The following PIEZO2 variants were observed in gnomAD, a reference collection of about 807,000 sequenced individuals.
PIEZO2 encodes piezo type mechanosensitive ion channel component 2.
PIEZO2 carries 172 observed loss-of-function variants against 337.3 expected under a neutral mutation model. The ratio of observed to expected loss-of-function variants is 0.51; its 90% CI spans 0.45 to 0.58. The LOEUF (loss-of-function observed/expected upper bound fraction) is 0.58, where lower values mean the gene tolerates loss of function less well. Among genes scored for constraint, PIEZO2 ranks in the 20% least tolerant of loss-of-function variants. The pLI, the probability that PIEZO2 is intolerant of heterozygous loss-of-function variation, is 0.00. For missense variants in PIEZO2, 3,028 were observed against 3,391.3 expected, an observed-to-expected ratio of 0.89 and a Z score of 2.66; for synonymous variants, 1,251 against 1,228.5, an observed-to-expected ratio of 1.02 and a Z score of -0.38.
chr18:10,887,916 C>A (rs1465269844), intron 4 of PIEZO2, among the ~76,000 whole-genome samples: 2 of 152,220 alleles, frequency 1.3e-5, no homozygotes, highest in African/African-American at 2.4e-5. Context: ...ACCGTGATCA[C>A]CTAGTCGAAT....
intron 5 of PIEZO2, among the ~76,000 whole-genome samples, chr18:10,858,887 A>G (rs763833588): frequency 6.6e-6 from 1 of 152,128 alleles, no homozygotes. Flanking sequence ...ATCATGACAC[A>G]TTTGTATATT....
intron 3 of PIEZO2, among the ~76,000 whole-genome samples, chr18:10,944,911 T>C (rs1345117725): frequency 1.3e-5 from 2 of 152,128 alleles, no homozygotes; most frequent in Non-Finnish European, 2.9e-5. Context: ...AAGCTAACTG[T>C]TGCTACCAGA....
rs764150160 is a variant in PIEZO2 at position 11,011,828 on chromosome 18, C to T, written c.161-32168G>A. Among the ~76,000 whole-genome samples the T allele has an allele frequency of 4.9e-4, 74 of 152,146 alleles. 1 individual carries two copies. The highest frequency in any genetic ancestry group is 2.8e-4 in the Non-Finnish European group (19 of 68,032). ...TTGATATAGCTATGTTCCACCAGAA[C>T]CACATGACCAGGTGCAGTGGCTCAC... is the stretch of plus-strand genomic sequence containing the variant. On this transcript the variant is annotated intron_variant, in intron 2 of 55. Transcript: ENST00000674853.
Position 10,807,159 on chromosome 18 carries a change from A to G in PIEZO2, c.1033T>C (p.Tyr345His), listed in dbSNP as rs2040026461. 1 of 1,537,272 alleles carries G rather than the reference A, an allele frequency of 6.5e-7. No individual in the cohort carries two copies. Among genetic ancestry groups the G allele is most frequent in the Non-Finnish European group, 8.7e-7 (1 of 1,146,908 alleles). ...CGGATCAGAGTGGCCAGAGTGTAGT[A>G]CATCACCAGCAGGAGGATAGGGTTG... ...HANPILLLVM[Y>H]YTLATLIRIW... Residue 345 changes from tyrosine (Y) to histidine (H), a missense_variant, in exon 8 of 56, where the codon TAC becomes CAC. Tyr to His is a moderately conservative substitution (Grantham distance 83). This residue lies in a region of PIEZO2 where 542 missense variants were observed against 605.6 expected (regional missense o/e 0.89). Coordinates refer to ENST00000674853, the MANE Select transcript of PIEZO2 (RefSeq NM_001378183.1).
Position 11,013,335 on chromosome 18 carries a change from G to A in PIEZO2, c.161-33675C>T, listed in dbSNP as rs553274738. ...GACAGAAGGGGCCAGGAACCAAGGA[G>A]GACAGCTGGCAGCTGGAAGGGGCAG... is the stretch of plus-strand genomic sequence containing the variant. On this transcript the variant is annotated intron_variant, in intron 2 of 55. Coordinates refer to ENST00000674853, the MANE Select transcript of PIEZO2 (RefSeq NM_001378183.1). Among the ~76,000 whole-genome samples, 39 of 152,258 alleles carry A rather than the reference G, an allele frequency of 2.6e-4. 1 individual carries two copies. The South Asian group carries it at 7.5e-3, about 29-fold the overall frequency.
chr18:11,042,639 T>G (rs984451173), intron 2 of PIEZO2, among the ~76,000 whole-genome samples: 1 of 152,262 alleles, frequency 6.6e-6, no homozygotes, highest in African/African-American at 2.4e-5. Flanking sequence ...CTTTCCATCC[T>G]ACATGCTACT....
Position 10,780,142 on chromosome 18 carries a change from C to T in PIEZO2, c.2534+183G>A, listed in dbSNP as rs998034958. Among the ~76,000 whole-genome samples, 8 of 152,314 alleles carry T rather than the reference C, an allele frequency of 5.3e-5. No individual in the cohort carries two copies. The East Asian group carries it at 7.7e-4, about 15-fold the overall frequency. On this transcript the variant is annotated intron_variant, in intron 18 of 55. Transcript: ENST00000674853. ...AGACCCTCAACAGCCTCCACATCCACTTGACGGCACCAGTCGGTACAGATA... is the reference window on the plus strand; with the variant it reads ...AGACCCTCAACAGCCTCCACATCCATTTGACGGCACCAGTCGGTACAGATA...
At chr18:11,010,026 T>C (rs2035842748) in intron 2 of PIEZO2, among the ~76,000 whole-genome samples, 1 of 152,050 alleles carries the variant, frequency 6.6e-6, no homozygotes, top group African/African-American at 2.4e-5. Context: ...ACAGCAAGAG[T>C]AAATGAATAC....
At chr18:11,061,469 C>T (rs531219151) in intron 2 of PIEZO2, among the ~76,000 whole-genome samples, 27 of 151,712 alleles carry the variant, frequency 1.8e-4, no homozygotes, top group African/African-American at 6.3e-4. Context: ...TCAAATTGTT[C>T]CTGTTTGCAG....
chr18:10,843,447 C>A (rs1466127629), intron 7 of PIEZO2, among the ~76,000 whole-genome samples: 1 of 152,050 alleles, frequency 6.6e-6, no homozygotes, highest in African/African-American at 2.4e-5. Context: ...AATCTTTCTA[C>A]TTCAAGAAAT....
rs1247743104 is a variant in PIEZO2, at chr18:10,705,614, G to A, written c.5721C>T (p.Ala1907=). 1 of 1,537,154 alleles carries A rather than the reference G, an allele frequency of 6.5e-7. No homozygotes were observed. ...PEPREAKEYE[A]TGYDVGAMGA... is the part of the protein sequence containing the mutation. ...CCATGGCTCCCACATCGTACCCAGT[G>A]GCCTCGTACTCCTTGGCCTCCCTGG... is the stretch of plus-strand genomic sequence containing the variant. Residue 1907 remains alanine, a synonymous_variant, in exon 41 of 56, where the codon GCC becomes GCT. Coordinates refer to ENST00000674853, the MANE Select transcript of PIEZO2 (RefSeq NM_001378183.1).
chr18:10,967,994 T>A (rs1052184446), intron 3 of PIEZO2, among the ~76,000 whole-genome samples: 1 of 152,152 alleles, frequency 6.6e-6, no homozygotes, highest in Non-Finnish European at 1.5e-5. Context: ...TTTTGTTGCA[T>A]TTGCTTTTGG....
intron 3 of PIEZO2, among the ~76,000 whole-genome samples, chr18:10,957,136 C>T (rs1490351985): frequency 3.9e-5 from 6 of 152,154 alleles, no homozygotes; most frequent in South Asian, 4.1e-4. Context: ...CAGTGGCTCA[C>T]GCCTGTAATC....
Position 10,895,305 on chromosome 18 carries a change from G to C in PIEZO2, c.329+15881C>G, listed in dbSNP as rs1342070419. 1.3e-5 allele frequency among the ~76,000 whole-genome samples: 2 copies of C among 152,080 alleles called. No individual in the cohort carries two copies. The highest frequency in any genetic ancestry group is 1.3e-4 in the Admixed American group (2 of 15,266). On this transcript the variant is annotated intron_variant, in intron 4 of 55. Coordinates refer to ENST00000674853, the MANE Select transcript of PIEZO2 (RefSeq NM_001378183.1). The surrounding 1 kb of genome is among the most constrained non-coding windows in gnomAD (Gnocchi z 4.8). ...TACTAAAAATACAAAAATTAGCTGG[G>C]TATGTTGGTGCGCACCTGTAATAAC...
At chr18:10,771,534 T>A (rs910267472) in intron 20 of PIEZO2, among the ~76,000 whole-genome samples, 2 of 152,210 alleles carry the variant, frequency 1.3e-5, no homozygotes, top group African/African-American at 4.8e-5. Context: ...GTCCTAAGTA[T>A]CTCTTTAAGT....
chr18:10,841,769 A>C (rs1316861668), intron 7 of PIEZO2, among the ~76,000 whole-genome samples: 1 of 152,240 alleles, frequency 6.6e-6, no homozygotes, highest in Non-Finnish European at 1.5e-5. Flanking sequence ...AGGTAAATAC[A>C]TGGGCAATTA....
chr18:10,761,445 A>T (rs1888449005), intron 23 of PIEZO2, among the ~76,000 whole-genome samples: 1 of 152,198 alleles, frequency 6.6e-6, no homozygotes, highest in African/African-American at 2.4e-5. Context: ...TGCAGCCAGA[A>T]GTGCAAAAAC....
rs1456670735 is a variant in PIEZO2 at position 11,128,479 on chromosome 18, G to A, written c.64+20046C>T. Among the ~76,000 whole-genome samples, 1 of 152,170 alleles carries A rather than the reference G, an allele frequency of 6.6e-6. No homozygotes were observed. The highest frequency in any genetic ancestry group is 2.4e-5 in the African/African-American group (1 of 41,440). ...GGATGTGTGGGAGGACCCTGATGAA[G>A]CTGAGGACACTGAGTTTGTAAACTC... On this transcript the variant is annotated intron_variant, in intron 1 of 55. Transcript: ENST00000674853. This position sits in a 1 kb window ranked among gnomAD's most constrained non-coding sequence, Gnocchi z 4.1.
chr18:10,967,549 T>C (rs2034062548), intron 3 of PIEZO2, among the ~76,000 whole-genome samples: 1 of 152,238 alleles, frequency 6.6e-6, no homozygotes, highest in Non-Finnish European at 1.5e-5. Flanking sequence ...GTGGTTGTAC[T>C]AGTCTACATT....
Sources: gnomAD v4.1 joint callset for allele counts (sites outside exome capture counted in the v4.1 genomes callset) on GRCh38, gnomAD v4.1.1 for gene constraint, gnomAD v4.1.1 regional missense constraint, Gnocchi (gnomAD v3.1) non-coding constraint, MANE v1.5 for transcripts, NCBI Gene and HGNC (gene_info 2026-07-23, HGNC 2026-07-21) for gene names.